Variants in MAML3 observed in about 807,000 individuals in gnomAD.
MAML3 encodes the protein mastermind like transcriptional coactivator 3, also known as mastermind-like protein 3.
In MAML3, 27 loss-of-function variants were observed where a neutral mutation model predicts 101.9. The observed-to-expected ratio is 0.27, with a 90% confidence interval of 0.20 to 0.37. MAML3 has a LOEUF of 0.37. Ranked by LOEUF, MAML3 falls within the 10% of genes least tolerant of loss-of-function variation. MAML3 has a pLI of 1.00. For synonymous variants in MAML3, 501 were observed against 555.9 expected (o/e 0.90, Z 1.39); for missense variants, 1,316 against 1,444.9 (o/e 0.91, Z 1.45).
At chr4:140,011,118 T>TGA (rs1250905769) in intron 1 of MAML3, among the ~76,000 whole-genome samples, 1 of 72,526 alleles carries the variant, frequency 1.4e-5, no homozygotes, top group Non-Finnish European at 2.7e-5. Flanking sequence ...AAAAAGTGTG[T>TGA]GTGTATATAT....
intron 2 of MAML3, among the ~76,000 whole-genome samples, chr4:139,771,812 A>G (rs1729986680): frequency 6.6e-6 from 1 of 152,064 alleles, no homozygotes; most frequent in Non-Finnish European, 1.5e-5. Context: ...GGCCCATCCC[A>G]GATTTGGATC....
intron 2 of MAML3, among the ~76,000 whole-genome samples, chr4:139,873,493 C>T (rs932438242): frequency 4.6e-5 from 7 of 152,238 alleles, no homozygotes; most frequent in Non-Finnish European, 1.0e-4. Flanking sequence ...TAATCCCTCT[C>T]TCCTGGAGTG....
intron 1 of MAML3, among the ~76,000 whole-genome samples, chr4:139,953,580 A>G (rs950443107): frequency 1.3e-4 from 20 of 152,196 alleles, no homozygotes; most frequent in Admixed American, 1.3e-3. Flanking sequence ...GATGGCGCCA[A>G]TGTACTCCAG....
At chr4:139,826,799 A>G (rs1731068236) in intron 2 of MAML3, among the ~76,000 whole-genome samples, 1 of 152,008 alleles carries the variant, frequency 6.6e-6, no homozygotes, top group South Asian at 2.1e-4. Context: ...GAGAACACAG[A>G]CTCGACCCTT....
intron 1 of MAML3, among the ~76,000 whole-genome samples, chr4:139,990,106 A>C (rs1734635706): frequency 6.6e-6 from 1 of 152,166 alleles, no homozygotes; most frequent in Admixed American, 6.5e-5. Context: ...TCAGAGTCTG[A>C]AGTATTGCTG....
intron 2 of MAML3, among the ~76,000 whole-genome samples, chr4:139,825,046 G>A (rs546390516): frequency 4.6e-5 from 7 of 151,880 alleles, no homozygotes; most frequent in Non-Finnish European, 8.8e-5. Flanking sequence ...GCAGCACCCC[G>A]CCCCCTTCCA....
chr4:139,803,660 C>A (rs889622564), intron 2 of MAML3, among the ~76,000 whole-genome samples: 2 of 152,132 alleles, frequency 1.3e-5, no homozygotes, highest in Non-Finnish European at 2.9e-5. Flanking sequence ...GCTTCTGTTA[C>A]CCCAGTTCTC....
intron 2 of MAML3, among the ~76,000 whole-genome samples, chr4:139,883,086 C>A (rs565857521): frequency 1.3e-5 from 2 of 152,028 alleles, no homozygotes; most frequent in Non-Finnish European, 2.9e-5. Flanking sequence ...GGTGGTGAAA[C>A]GTTCCAAGAA....
chr4:140,023,307 G>T (rs1726766609), intron 1 of MAML3, among the ~76,000 whole-genome samples: 1 of 152,190 alleles, frequency 6.6e-6, no homozygotes, highest in African/African-American at 2.4e-5. Flanking sequence ...GTCCAGTCAT[G>T]CAGCTCTAAG....
At chr4:140,108,549 A>T (rs1260565226) in intron 1 of MAML3, among the ~76,000 whole-genome samples, 1 of 149,696 alleles carries the variant, frequency 6.7e-6, no homozygotes, top group Non-Finnish European at 1.5e-5. Context: ...ACTTTTCAAG[A>T]TTATTGTGGA....
intron 1 of MAML3, among the ~76,000 whole-genome samples, chr4:140,061,986 C>T (rs1197947780): frequency 6.6e-6 from 1 of 152,140 alleles, no homozygotes. Context: ...GGAGAATGTA[C>T]AGCAATCCCC....
At chr4:139,886,749 A>G (rs1051705247) in intron 2 of MAML3, among the ~76,000 whole-genome samples, 10 of 152,246 alleles carry the variant, frequency 6.6e-5, no homozygotes, top group African/African-American at 2.4e-4. Context: ...ATCAAAAAGA[A>G]TAATATGTAA....
intron 1 of MAML3, among the ~76,000 whole-genome samples, chr4:140,100,791 G>A (rs1013064918): frequency 1.3e-5 from 2 of 152,210 alleles, no homozygotes; most frequent in Middle Eastern, 3.4e-3. Flanking sequence ...ACTTTTAAAG[G>A]TGAGTTGCCT....
rs781109816 is a variant in MAML3, at chr4:140,063,819, T to C, written c.468+89041A>G. 2.7e-4 allele frequency among the ~76,000 whole-genome samples: 41 copies of C among 152,134 alleles called. 1 individual carries two copies. Among genetic ancestry groups the C allele is most frequent in the Non-Finnish European group, 5.1e-4 (35 of 67,992 alleles). On this transcript the variant is annotated intron_variant, in intron 1 of 4. Coordinates refer to ENST00000509479, the MANE Select transcript of MAML3 (RefSeq NM_018717.5). The stretch of plus-strand genomic sequence containing the variant: ...TAAAAAAAAAAAGTAAAAGGAAAGA[T>C]TTCAAGTTGTCTTTCTTTTAGCCCA...
chr4:139,836,957 T>C (rs1040645722), intron 2 of MAML3, among the ~76,000 whole-genome samples: 1 of 151,164 alleles, frequency 6.6e-6, no homozygotes, highest in Non-Finnish European at 1.5e-5. Flanking sequence ...ACCCCATCTC[T>C]ACTAAAAATA....
At chr4:139,924,580 C>T (rs1228840827) in intron 1 of MAML3, among the ~76,000 whole-genome samples, 1 of 152,098 alleles carries the variant, frequency 6.6e-6, no homozygotes. Context: ...TCCTATTGTA[C>T]AATTGTTAAA....
At position 140,120,009 on chromosome 4, in the gene MAML3, A is replaced by G. The variant is rs111694754; in HGVS notation, c.468+32851T>C. 5.4e-3 allele frequency among the ~76,000 whole-genome samples: 812 copies of G among 151,700 alleles called. 11 individuals are homozygous for G. Among genetic ancestry groups the G allele is most frequent in the African/African-American group, 0.017 (699 of 41,270 alleles). On this transcript the variant is annotated intron_variant, in intron 1 of 4. Transcript: ENST00000509479. ...TCCCAGCACTTTGGGAGGCCGAGGC[A>G]GGCGGATCACGAGGTCAGGAGATCG... is the stretch of plus-strand genomic sequence containing the variant.
chr4:140,053,059 C>T (rs548045858), intron 1 of MAML3, among the ~76,000 whole-genome samples: 4 of 151,958 alleles, frequency 2.6e-5, no homozygotes, highest in African/African-American at 4.8e-5. Context: ...CCACAGAAAC[C>T]CCCTCATTCA....
chr4:140,111,890 C>T (rs1027137546), intron 1 of MAML3, among the ~76,000 whole-genome samples: 6 of 152,204 alleles, frequency 3.9e-5, no homozygotes, highest in African/African-American at 1.2e-4. Flanking sequence ...TGGCCCCAAC[C>T]CTCACCCTTG....
Sources: gnomAD v4.1 joint callset for allele counts (sites outside exome capture counted in the v4.1 genomes callset) on GRCh38, gnomAD v4.1.1 for gene constraint, MANE v1.5 for transcripts, NCBI Gene and HGNC (gene_info 2026-07-23, HGNC 2026-07-21) for gene names.